Variants in TNS3 observed in about 807,000 individuals in gnomAD.
The protein encoded by TNS3 is tensin-3.
In TNS3, 45 loss-of-function variants were observed where a neutral mutation model predicts 140.9. That is an observed-to-expected ratio of 0.32 (90% CI 0.25 to 0.41). The LOEUF (loss-of-function observed/expected upper bound fraction) is 0.41, where lower values mean the gene tolerates loss of function less well. Ranked by LOEUF, TNS3 falls within the 10% of genes least tolerant of loss-of-function variation. The probability of loss-of-function intolerance (pLI) is 1.00; values close to 1 mark genes in which losing one functional copy is unlikely to be tolerated. For missense variants in TNS3, 1,716 were observed against 1,906.7 expected (o/e 0.90, Z 1.86); for synonymous variants, 815 against 788.4 (o/e 1.03, Z -0.56).
chr7:47,552,702 G>A lies in TNS3; in HGVS notation c.-264-23555C>T, dbSNP rs565580825. Among the ~76,000 whole-genome samples, 42 of 152,088 alleles carry A rather than the reference G, an allele frequency of 2.8e-4. No individual in the cohort carries two copies. In the South Asian group the frequency reaches 6.9e-3, roughly 25 times the overall value. On this transcript the variant is annotated intron_variant, in intron 1 of 30. Coordinates refer to ENST00000311160, the MANE Select transcript of TNS3 (RefSeq NM_022748.12). ...TCTGGACTGCTCTTTCCCTCTCCTC[G>A]GACCTCCATATTCCCTGAGACACAA...
chr7:47,537,966 A>ACCCCCCCCCCCCCCCCCCCC (rs113842617), intron 1 of TNS3, among the ~76,000 whole-genome samples: 5 of 126,232 alleles, frequency 4.0e-5, no homozygotes, highest in Admixed American at 8.2e-5. Context: ...CCCTCACCGC[A>ACCCCCCCCCCCCCCCCCCCC]CCCCCCCCAC....
chr7:47,284,092 G>A (rs913915988), intron 27 of TNS3, among the ~76,000 whole-genome samples: 45 of 152,204 alleles, frequency 3.0e-4, no homozygotes, highest in African/African-American at 1.0e-3. Context: ...GAGAATAAGC[G>A]AGTTACTAGA....
At chr7:47,396,345 C>G (rs1409429252) in intron 16 of TNS3, among the ~76,000 whole-genome samples, 1 of 152,168 alleles carries the variant, frequency 6.6e-6, no homozygotes, top group African/African-American at 2.4e-5. Context: ...TTAAATGATA[C>G]AGCCATAAAT....
intron 20 of TNS3, among the ~76,000 whole-genome samples, chr7:47,316,023 G>T (rs1298919858): frequency 4.0e-5 from 6 of 150,768 alleles, no homozygotes; most frequent in Non-Finnish European, 7.4e-5. Context: ...TCAATCTTTG[G>T]CCCATAAATA....
chr7:47,557,799 T>C (rs1482494607), intron 1 of TNS3, among the ~76,000 whole-genome samples: 1 of 152,180 alleles, frequency 6.6e-6, no homozygotes, highest in Non-Finnish European at 1.5e-5. Flanking sequence ...TAGAGCAAAC[T>C]GTCCAACAAT....
At chr7:47,323,536 A>T (rs1467577008) in intron 20 of TNS3, among the ~76,000 whole-genome samples, 1 of 152,270 alleles carries the variant, frequency 6.6e-6, no homozygotes, top group Admixed American at 6.5e-5. Flanking sequence ...AAGAATGTTC[A>T]AATGAGTCAA....
intron 1 of TNS3, among the ~76,000 whole-genome samples, chr7:47,570,315 C>T (rs1265036935): frequency 6.6e-6 from 1 of 152,216 alleles, no homozygotes; most frequent in Non-Finnish European, 1.5e-5. Flanking sequence ...ACACTCTGTC[C>T]AGAAAGAATA....
intron 1 of TNS3, among the ~76,000 whole-genome samples, chr7:47,581,183 A>C (rs574925477): frequency 3.3e-5 from 5 of 152,122 alleles, no homozygotes; most frequent in African/African-American, 9.6e-5. Flanking sequence ...CGGGACTCAC[A>C]TGTCAGGCCG....
intron 3 of TNS3, among the ~76,000 whole-genome samples, chr7:47,483,916 G>A (rs991893091): frequency 5.3e-5 from 8 of 152,242 alleles, no homozygotes; most frequent in African/African-American, 1.9e-4. Flanking sequence ...ACTTCACTTG[G>A]AAATGAAGCA....
In TNS3 at chr7:47,549,059, C is replaced by T. The variant is rs906406325; in HGVS notation, c.-264-19912G>A. ...GGTCTCCACTCCCACCATCCTGGTC[C>T]ACCCACCACTGAACTGACCATCTCT... On this transcript the variant is annotated intron_variant, in intron 1 of 30. Coordinates refer to ENST00000311160, the MANE Select transcript of TNS3 (RefSeq NM_022748.12). Among the ~76,000 whole-genome samples the T allele has an allele frequency of 2.6e-5, 4 of 152,312 alleles. No homozygotes were observed. The East Asian group carries it at 7.7e-4, about 29-fold the overall frequency.
intron 2 of TNS3, among the ~76,000 whole-genome samples, chr7:47,509,173 G>A (rs1798520163): frequency 6.6e-6 from 1 of 152,192 alleles, no homozygotes; most frequent in African/African-American, 2.4e-5. Flanking sequence ...CATGGTGGGT[G>A]GCCTACTCGG....
intron 1 of TNS3, among the ~76,000 whole-genome samples, chr7:47,578,602 G>A (rs1418740344): frequency 2.6e-5 from 4 of 152,050 alleles, no homozygotes; most frequent in Non-Finnish European, 4.4e-5. Flanking sequence ...GGGCCACGGT[G>A]CTCCTGGAGT....
intron 1 of TNS3, among the ~76,000 whole-genome samples, chr7:47,558,710 C>T (rs1375455134): frequency 2.0e-5 from 3 of 152,110 alleles, no homozygotes; most frequent in South Asian, 2.1e-4. Flanking sequence ...GCCTGGGGCC[C>T]CCCTCAGCAG....
rs1322003440 is a variant in TNS3, at chr7:47,303,164, G to A, written c.3243C>T (p.His1081=). Residue 1081 remains histidine, a synonymous_variant, in exon 22 of 31, where the codon CAC becomes CAT. Coordinates refer to ENST00000311160, the MANE Select transcript of TNS3 (RefSeq NM_022748.12). ...CACCCTGGCCCTGCAGGCCTGGACT[G>A]TGGTGGCTGCTGTGTCCAGGCGCCA... ...LTVAPGHSSH[H]SPGLQGQGVT... is the part of the protein sequence containing the mutation. 5.0e-6 allele frequency: 8 copies of A among 1,613,714 alleles called. No individual in the cohort carries two copies. The highest frequency in any genetic ancestry group is 5.9e-6 in the Non-Finnish European group (7 of 1,179,996).
intron 1 of TNS3, among the ~76,000 whole-genome samples, chr7:47,548,960 T>C (rs2151978056): frequency 6.6e-6 from 1 of 152,238 alleles, no homozygotes. Context: ...GGGCTCCTTC[T>C]CTTTCTCTTA....
intron 16 of TNS3, among the ~76,000 whole-genome samples, chr7:47,394,675 G>A (rs1484449896): frequency 2.0e-5 from 3 of 152,186 alleles, no homozygotes; most frequent in Non-Finnish European, 4.4e-5. Flanking sequence ...ATACACACAC[G>A]CTCACACACA....
chr7:47,513,780 C>T (rs1421191138), intron 2 of TNS3, among the ~76,000 whole-genome samples: 1 of 152,230 alleles, frequency 6.6e-6, no homozygotes, highest in Non-Finnish European at 1.5e-5. Flanking sequence ...GGCGTCTGAG[C>T]TGGTGTGTGG....
chr7:47,441,451 C>T (rs181433242), intron 5 of TNS3, among the ~76,000 whole-genome samples: 1 of 152,328 alleles, frequency 6.6e-6, no homozygotes, highest in Non-Finnish European at 1.5e-5. Flanking sequence ...GCTGGGATTA[C>T]AAGTGTGAGC....
At chr7:47,482,861 T>C (rs191163887) in intron 3 of TNS3, among the ~76,000 whole-genome samples, 22 of 152,296 alleles carry the variant, frequency 1.4e-4, no homozygotes, top group Non-Finnish European at 3.1e-4. Context: ...CTCTGTGACA[T>C]TCTGGAAAAG....
Sources: allele counts gnomAD v4.1 joint callset (sites outside exome capture counted in the v4.1 genomes callset), GRCh38; gene constraint gnomAD v4.1.1; transcripts MANE v1.5; gene names NCBI Gene and HGNC (gene_info 2026-07-23, HGNC 2026-07-21).